The following PIGL variants were observed in gnomAD, a reference collection of about 807,000 sequenced individuals.
PIGL encodes phosphatidylinositol glycan anchor biosynthesis class L, also known as N-acetylglucosaminyl-phosphatidylinositol de-N-acetylase.
A neutral mutation model predicts 31.1 loss-of-function variants in PIGL; 22 were observed. The ratio of observed to expected loss-of-function variants is 0.71; its 90% CI spans 0.51 to 1.01. The LOEUF is 1.01. Among genes scored for constraint, PIGL ranks in the 50% least tolerant of loss-of-function variants. The pLI is 0.00. For synonymous variants in PIGL, 131 were observed against 117.4 expected (o/e 1.12, Z -0.75); for missense variants, 302 against 315.9 (o/e 0.96, Z 0.33).
chr17:16,273,292 A>G (rs1037668892), intron 2 of PIGL, among the ~76,000 whole-genome samples: 1 of 152,190 alleles, frequency 6.6e-6, no homozygotes, highest in Admixed American at 6.5e-5. Flanking sequence ...AGCCAGGTGC[A>G]TTCCATATGA....
At chr17:16,280,940 T>TG (rs1318181356) in intron 2 of PIGL, among the ~76,000 whole-genome samples, 1 of 152,086 alleles carries the variant, frequency 6.6e-6, no homozygotes, top group African/African-American at 2.4e-5. Context: ...CCTGACCTTG[T>TG]GATCCACCCA....
rs888887573 is a variant in PIGL at position 16,225,828 on chromosome 17, C to A, written c.236-8143C>A. ...TAAATTCAGGGATCAAACCCAAGAGCATTCACTGTGGAATGCTGTGAAACA... is the reference window on the plus strand; with the variant it reads ...TAAATTCAGGGATCAAACCCAAGAGAATTCACTGTGGAATGCTGTGAAACA... On this transcript the variant is annotated intron_variant, in intron 1 of 6. Transcript: ENST00000225609. 3.9e-5 allele frequency among the ~76,000 whole-genome samples: 6 copies of A among 151,934 alleles called. No individual in the cohort carries two copies. In the South Asian group the frequency reaches 1.2e-3, roughly 32 times the overall value.
chr17:16,316,753 C>T, intron 5 of PIGL, 41 bp downstream of exon 5: 1 of 1,605,566 alleles, frequency 6.2e-7, no homozygotes, highest in Non-Finnish European at 8.5e-7. Flanking sequence ...AAGATACTGT[C>T]CCTCTGAGAA....
At chr17:16,226,851 C>T (rs765860763) in intron 1 of PIGL, among the ~76,000 whole-genome samples, 6 of 152,138 alleles carry the variant, frequency 3.9e-5, no homozygotes, top group African/African-American at 9.7e-5. Context: ...GACTTTAGGC[C>T]ACCAAGGATA....
intron 6 of PIGL, among the ~76,000 whole-genome samples, chr17:16,323,762 CG>C (rs2093116000): frequency 6.9e-6 from 1 of 145,958 alleles, no homozygotes; most frequent in Admixed American, 6.9e-5. Context: ...ACAGACAGGC[CG>C]GCACCACCAA....
intron 2 of PIGL, among the ~76,000 whole-genome samples, chr17:16,251,278 C>T (rs1193459033): frequency 3.3e-5 from 5 of 151,990 alleles, no homozygotes; most frequent in African/African-American, 9.7e-5. Flanking sequence ...ATAAAACTAA[C>T]CTGGTATGGT....
intron 1 of PIGL, among the ~76,000 whole-genome samples, chr17:16,224,171 C>T (rs1270278829): frequency 6.6e-6 from 1 of 151,710 alleles, no homozygotes; most frequent in African/African-American, 2.4e-5. Context: ...GCCAAGATTG[C>T]GCCACTGCAC....
At chr17:16,288,704 TA>T (rs2092948428) in intron 2 of PIGL, among the ~76,000 whole-genome samples, 1 of 152,136 alleles carries the variant, frequency 6.6e-6, no homozygotes, top group African/African-American at 2.4e-5. Context: ...TGTGCCCGGC[TA>T]ATTTTGTAGT....
chr17:16,311,504 A>C (rs1314024095), intron 3 of PIGL, among the ~76,000 whole-genome samples: 2 of 92,038 alleles, frequency 2.2e-5, no homozygotes, highest in Non-Finnish European at 4.4e-5. Flanking sequence ...GTGTTTCTCG[A>C]AGAGGGGGAT....
At chr17:16,277,698 T>C (rs2092901450) in intron 2 of PIGL, among the ~76,000 whole-genome samples, 1 of 152,192 alleles carries the variant, frequency 6.6e-6, no homozygotes, top group Non-Finnish European at 1.5e-5. Context: ...AGTTCTATAA[T>C]TGATTATAAA....
At chr17:16,257,144 C>T (rs1426103641) in intron 2 of PIGL, among the ~76,000 whole-genome samples, 55 of 152,102 alleles carry the variant, frequency 3.6e-4, no homozygotes, top group African/African-American at 2.4e-5. Context: ...AGACCAGGCA[C>T]GGTGGCTCAT....
chr17:16,260,567 C>G (rs1277653597), intron 2 of PIGL, among the ~76,000 whole-genome samples: 1 of 152,058 alleles, frequency 6.6e-6, no homozygotes, highest in Non-Finnish European at 1.5e-5. Context: ...GGTCTCCTGT[C>G]TGCTGAGGGC....
intron 2 of PIGL, among the ~76,000 whole-genome samples, chr17:16,249,286 C>T (rs1568795331): frequency 6.6e-6 from 1 of 152,122 alleles, no homozygotes; most frequent in South Asian, 2.1e-4. Context: ...CAAGACCAGC[C>T]TGGTCAACAT....
At chr17:16,296,621 A>G (rs554784588) in intron 2 of PIGL, among the ~76,000 whole-genome samples, 1 of 151,012 alleles carries the variant, frequency 6.6e-6, no homozygotes, top group Non-Finnish European at 1.5e-5. Context: ...AAAAAAAAAA[A>G]GAAAAAAGAA....
chr17:16,280,851 C>G (rs1048566024), intron 2 of PIGL, among the ~76,000 whole-genome samples: 5 of 152,216 alleles, frequency 3.3e-5, no homozygotes, highest in East Asian at 3.9e-4. Context: ...ATTACAGATG[C>G]CTGCCACTAC....
chr17:16,227,439 G>A (rs564204134), intron 1 of PIGL, among the ~76,000 whole-genome samples: 4 of 152,036 alleles, frequency 2.6e-5, no homozygotes, highest in East Asian at 1.9e-4. Context: ...AGTAAGAGTC[G>A]ATATGAATGC....
chr17:16,307,890 G>A (rs531026669), intron 3 of PIGL, among the ~76,000 whole-genome samples: 1 of 150,046 alleles, frequency 6.7e-6, no homozygotes, highest in East Asian at 2.0e-4. Context: ...ATTTCAAGGA[G>A]CCCAGGGGTT....
chr17:16,296,508 G>A (rs1426224027), intron 2 of PIGL, among the ~76,000 whole-genome samples: 1 of 151,592 alleles, frequency 6.6e-6, no homozygotes, highest in East Asian at 2.0e-4. Context: ...TACTGGGGAG[G>A]CTGAGGCAGG....
chr17:16,263,932 C>T (rs1251172224), intron 2 of PIGL, among the ~76,000 whole-genome samples: 1 of 147,166 alleles, frequency 6.8e-6, no homozygotes, highest in Admixed American at 6.9e-5. Flanking sequence ...ACCTCTGCCT[C>T]CTGAGTTCAA....
Sources: gnomAD v4.1 joint callset for allele counts (sites outside exome capture counted in the v4.1 genomes callset) on GRCh38, gnomAD v4.1.1 for gene constraint, MANE v1.5 for transcripts, NCBI Gene and HGNC (gene_info 2026-07-23, HGNC 2026-07-21) for gene names.